LIMD1: variants seen among roughly 807,000 people sequenced by gnomAD.
The protein encoded by LIMD1 is LIM domain containing 1, also known as LIM domain-containing protein 1.
Under a neutral mutation model 58.4 loss-of-function variants are expected in LIMD1, and 23 were observed. That is an observed-to-expected ratio of 0.39 (90% CI 0.28 to 0.56). The LOEUF (loss-of-function observed/expected upper bound fraction) is 0.56. LIMD1 is among the 20% of genes least tolerant of loss of function. The probability of loss-of-function intolerance (pLI) is 0.57; values close to 1 mark genes in which losing one functional copy is unlikely to be tolerated. For synonymous variants in LIMD1, 334 were observed against 345.5 expected (o/e 0.97, Z 0.37); for missense variants, 838 against 855.5 (o/e 0.98, Z 0.25).
At chr3:45,610,081 A>G (rs912772127) in intron 1 of LIMD1, among the ~76,000 whole-genome samples, 5 of 152,036 alleles carry the variant, frequency 3.3e-5, no homozygotes, top group African/African-American at 4.8e-5. Context: ...AATCCCAGCT[A>G]CTCGGGAGGC....
intron 1 of LIMD1, among the ~76,000 whole-genome samples, chr3:45,616,944 A>G (rs1485769465): frequency 6.6e-6 from 1 of 151,714 alleles, no homozygotes; most frequent in Non-Finnish European, 1.5e-5. Flanking sequence ...CATGTTGGCT[A>G]GGCTGGTCTC....
Position 45,683,879 on chromosome 3 carries a change from GTAACAGGA to G in LIMD1, c.*6821_*6828del, listed in dbSNP as rs1697775007. On this transcript the variant is annotated 3_prime_UTR_variant, in exon 8 of 8. Coordinates refer to ENST00000273317, the MANE Select transcript of LIMD1 (RefSeq NM_014240.3). ...CCAAGAACCTGGACACCCTCCACCG[GTAACAGGA>G]GGAGCATTAGTCAGCCTACCACAGA... is the stretch of plus-strand genomic sequence containing the variant. 1 of 152,172 alleles carries G rather than the reference GTAACAGGA, an allele frequency of 6.6e-6. No individual in the cohort carries two copies. The highest frequency in any genetic ancestry group is 1.5e-5 in the Non-Finnish European group (1 of 68,036). The allele number at this position is 152,172 out of a possible 1,614,324, so 9.4% of individuals were successfully genotyped here.
chr3:45,672,789 A>C lies in LIMD1; in HGVS notation c.1741A>C (p.Asn581His). The change falls in exon 5 of 8, where the codon AAC becomes CAC. Residue 581 changes from asparagine (N) to histidine (H), a missense_variant. Transcript: ENST00000273317. ...GGTGCCCTTCACCGTGGACTCAGAG[A>C]ACAAGATCTACTGTGTCCGAGATTA... is the stretch of plus-strand genomic sequence containing the variant. Reference protein sequence around the residue: ...DGVPFTVDSENKIYCVRDYHK... With the variant: ...DGVPFTVDSEHKIYCVRDYHK... 1 of 1,614,060 alleles carries C rather than the reference A, an allele frequency of 6.2e-7. No individual in the cohort carries two copies. The highest frequency in any genetic ancestry group is 8.5e-7 in the Non-Finnish European group (1 of 1,179,968).
chr3:45,650,735 A>G (rs1701960169), intron 2 of LIMD1, among the ~76,000 whole-genome samples: 1 of 151,954 alleles, frequency 6.6e-6, no homozygotes, highest in Admixed American at 6.6e-5. Context: ...CCAGCCTATT[A>G]TTGATGGATA....
At chr3:45,599,861 C>T (rs772868850) in intron 1 of LIMD1, among the ~76,000 whole-genome samples, 4 of 152,218 alleles carry the variant, frequency 2.6e-5, no homozygotes, top group Non-Finnish European at 5.9e-5. Flanking sequence ...TGCTCCACAC[C>T]TGCTTTGGTG....
intron 1 of LIMD1, among the ~76,000 whole-genome samples, chr3:45,600,324 G>A (rs76460680): frequency 8.9e-4 from 136 of 152,280 alleles, no homozygotes; most frequent in African/African-American, 3.0e-3. Flanking sequence ...TTGACTTTGT[G>A]GGAAGAGCTT....
At chr3:45,668,939 T>A (rs1249246799) in intron 4 of LIMD1, among the ~76,000 whole-genome samples, 1 of 152,226 alleles carries the variant, frequency 6.6e-6, no homozygotes, top group Admixed American at 6.5e-5. Flanking sequence ...CTGTGATCCT[T>A]GTGGCATCCC....
Position 45,680,797 on chromosome 3 carries a change from G to A in LIMD1, c.*3738G>A, listed in dbSNP as rs1378751686. On this transcript the variant is annotated 3_prime_UTR_variant, in exon 8 of 8. Coordinates refer to ENST00000273317, the MANE Select transcript of LIMD1 (RefSeq NM_014240.3). Reference sequence around the variant, plus strand: ...AGGCTGAGGCGGGTGGATCACTTAAGGTCAGGAGTTAGAGACCAGCCTGAC... The same window carrying A: ...AGGCTGAGGCGGGTGGATCACTTAAAGTCAGGAGTTAGAGACCAGCCTGAC... The A allele has an allele frequency of 6.7e-6, 1 of 149,902 alleles. No individual in the cohort carries two copies. Among genetic ancestry groups the A allele is most frequent in the Non-Finnish European group, 1.5e-5 (1 of 67,322 alleles). 9.3% of individuals were successfully genotyped at this position (149,902 alleles called of 1,614,324 possible).
chr3:45,676,412 G>A (rs1416937044), intron 7 of LIMD1, among the ~76,000 whole-genome samples: 1 of 151,450 alleles, frequency 6.6e-6, no homozygotes, highest in African/African-American at 2.4e-5. Context: ...TGCCAGGGTG[G>A]TTTGCTGCAC....
chr3:45,630,222 A>T (rs1342911736), intron 1 of LIMD1, among the ~76,000 whole-genome samples: 1 of 152,158 alleles, frequency 6.6e-6, no homozygotes, highest in East Asian at 1.9e-4. Context: ...AAGCCAAGGG[A>T]GGCTAAGAGC....
Position 45,595,302 on chromosome 3 carries a change from G to T in LIMD1, c.423G>T (p.Thr141=). ...GATCCAGGCCATACCTGCATGGCAC[G>T]AGGCATGGCAGCCAGGACTGTGGTT... is the stretch of plus-strand genomic sequence containing the variant. ...EQRSRPYLHG[T]RHGSQDCGSR... is the part of the protein sequence containing the mutation. The change falls in exon 1 of 8, where the codon ACG becomes ACT. Residue 141 remains threonine (T), a synonymous_variant. Transcript: ENST00000273317. The T allele has an allele frequency of 6.2e-7, 1 of 1,613,414 alleles. No homozygotes were observed. The highest frequency in any genetic ancestry group is 8.5e-7 in the Non-Finnish European group (1 of 1,180,032).
chr3:45,641,019 G>A (rs1701836021), intron 2 of LIMD1, among the ~76,000 whole-genome samples: 2 of 152,094 alleles, frequency 1.3e-5, no homozygotes, highest in South Asian at 4.1e-4. Flanking sequence ...CCAGATTGCT[G>A]CCCTTTACCT....
rs759331135 is a variant in LIMD1, at chr3:45,594,936, C to T, written c.57C>T (p.Asn19=). 2.5e-6 allele frequency: 4 copies of T among 1,613,382 alleles called. No homozygotes were observed. The highest frequency in any genetic ancestry group is 1.7e-5 in the Admixed American group (1 of 59,972). ...LEASKFIEDL[N]MYEASKDGLF... ...CCAGTAAATTCATCGAGGACCTGAA[C>T]ATGTATGAGGCCTCTAAGGATGGGC... The change falls in exon 1 of 8, where the codon AAC becomes AAT. Residue 19 remains asparagine (N), a synonymous_variant. Coordinates refer to ENST00000273317, the MANE Select transcript of LIMD1 (RefSeq NM_014240.3).
At chr3:45,636,080 A>C in intron 1 of LIMD1, 70 bp from the exon 2 acceptor site, 1 of 1,603,062 alleles carries the variant, frequency 6.2e-7, no homozygotes, top group Non-Finnish European at 8.5e-7. Flanking sequence ...TGCTTTGTTC[A>C]TTGGCTTTTT....
At chr3:45,656,194 C>A (rs1702025729) in intron 2 of LIMD1, among the ~76,000 whole-genome samples, 1 of 152,074 alleles carries the variant, frequency 6.6e-6, no homozygotes, top group Non-Finnish European at 1.5e-5. Context: ...GGACTTCCAA[C>A]CTCCAGAGCT....
At position 45,596,323 on chromosome 3, in the gene LIMD1, G is replaced by T. The variant is rs755004729; in HGVS notation, c.1408+36G>T. ...GGCTGGTGGAGTTGCCTATGGTGGG[G>T]CGATGGGGTTCTTGAGATTGGGGAA... On this transcript the variant is annotated intron_variant, in intron 1 of 7. Transcript: ENST00000273317. 4.6e-6 allele frequency: 7 copies of T among 1,517,114 alleles called. No individual in the cohort carries two copies. In the East Asian group the frequency reaches 1.4e-4, roughly 30 times the overall value. The allele number at this position is 1,517,114 out of a possible 1,614,324, so 94.0% of individuals were successfully genotyped here.
At chr3:45,598,222 G>A (rs958653274) in intron 1 of LIMD1, among the ~76,000 whole-genome samples, 1 of 152,158 alleles carries the variant, frequency 6.6e-6, no homozygotes, top group Non-Finnish European at 1.5e-5. Flanking sequence ...CCAAAGTGCT[G>A]GGATTACAGG....
intron 3 of LIMD1, among the ~76,000 whole-genome samples, chr3:45,667,406 C>T (rs1193984945): frequency 1.3e-5 from 2 of 152,120 alleles, no homozygotes; most frequent in African/African-American, 4.8e-5. Context: ...CAGAATGGGG[C>T]GTAGGTGCCA....
intron 1 of LIMD1, among the ~76,000 whole-genome samples, chr3:45,617,544 A>G (rs1005555412): frequency 6.6e-6 from 1 of 152,128 alleles, no homozygotes; most frequent in East Asian, 1.9e-4. Context: ...CCAGGTGTCT[A>G]CCTGCTCCAT....
Sources: gnomAD v4.1 joint callset for allele counts (sites outside exome capture counted in the v4.1 genomes callset) on GRCh38, gnomAD v4.1.1 for gene constraint, MANE v1.5 for transcripts, NCBI Gene and HGNC (gene_info 2026-07-23, HGNC 2026-07-21) for gene names.